ZNF277: variants seen among roughly 807,000 people sequenced by gnomAD.
The protein encoded by ZNF277 is zinc finger protein 277, also known as nuclear receptor-interacting factor 4.
A neutral mutation model predicts 60.7 loss-of-function variants in ZNF277; 55 were observed. The observed-to-expected ratio is 0.91, with a 90% CI of 0.73 to 1.13. The LOEUF (loss-of-function observed/expected upper bound fraction) is 1.13. Ranked by LOEUF, ZNF277 falls within the 50% of genes most tolerant of loss-of-function variation. The pLI is 0.00. For missense variants in ZNF277, 510 were observed against 523.0 expected, an observed-to-expected ratio of 0.98 and a Z score of 0.24; for synonymous variants, 178 against 179.3, an observed-to-expected ratio of 0.99 and a Z score of 0.06.
chr7:112,253,842 C>T (rs1411811590), intron 1 of ZNF277, among the ~76,000 whole-genome samples: 1 of 152,048 alleles, frequency 6.6e-6, no homozygotes, highest in African/African-American at 2.4e-5. Context: ...ACAGAAATAC[C>T]AGAAACTGTA....
At chr7:112,342,194 G>A (rs1396752123) in intron 11 of ZNF277, among the ~76,000 whole-genome samples, 2 of 151,956 alleles carry the variant, frequency 1.3e-5, no homozygotes, top group South Asian at 2.1e-4. Flanking sequence ...CACAGGAGGT[G>A]TATCAAACAA....
rs1481999538 is a variant in ZNF277 at position 112,226,365 on chromosome 7, A to AGCCAGAACATTT, written c.91+19558_91+19559insGCCAGAACATTT. On this transcript the variant is annotated intron_variant, in intron 1 of 11. Coordinates refer to ENST00000361822, the MANE Select transcript of ZNF277 (RefSeq NM_021994.3). Reference sequence around the variant, plus strand: ...TCCTTTAAGGAACATTTTCTCCATTATATACAAGAAGCCAGAGTTGTTTTG... The same window carrying AGCCAGAACATTT: ...TCCTTTAAGGAACATTTTCTCCATTAGCCAGAACATTTTATACAAGAAGCCAGAGTTGTTTTG... Among the ~76,000 whole-genome samples, 24 of 152,318 alleles carry AGCCAGAACATTT rather than the reference A, an allele frequency of 1.6e-4. No homozygotes were observed. The East Asian group carries it at 4.2e-3, about 27-fold the overall frequency.
At chr7:112,295,996 A>G in intron 3 of ZNF277, 39 bp downstream of exon 3, 3 of 1,441,840 alleles carry the variant, frequency 2.1e-6, no homozygotes, top group South Asian at 2.3e-5. Flanking sequence ...TCCCTACAGT[A>G]TAAAAATTCA....
Position 112,330,129 on chromosome 7 carries a change from A to G in ZNF277, c.714A>G (p.Thr238=), listed in dbSNP as rs778273157. Residue 238 remains threonine, a synonymous_variant, in exon 7 of 12, where the codon ACA becomes ACG. Transcript: ENST00000361822. ...AGAAGACCTTCAGGGACAAAAATAC[A>G]CTTAAAGATCACATGAGGAAAAAAC... ...YCEKTFRDKN[T]LKDHMRKKQH... 6.2e-7 allele frequency: 1 copy of G among 1,613,596 alleles called. No individual in the cohort carries two copies. Among genetic ancestry groups the G allele is most frequent in the South Asian group, 1.1e-5 (1 of 91,076 alleles).
chr7:112,312,539 G>A (rs1040569887), intron 4 of ZNF277, among the ~76,000 whole-genome samples: 9 of 151,916 alleles, frequency 5.9e-5, no homozygotes, highest in East Asian at 3.8e-4. Context: ...AAGCATCATC[G>A]TATCTGCAAC....
At position 112,311,220 on chromosome 7, in the gene ZNF277, C is replaced by T. The variant is rs75108523; in HGVS notation, c.466-6962C>T. On this transcript the variant is annotated intron_variant, in intron 4 of 11. Coordinates refer to ENST00000361822, the MANE Select transcript of ZNF277 (RefSeq NM_021994.3). ...ATCTGCTGTTTTATTAATTTTTTCT[C>T]TGCTTTTAGCTTATGAATAAAGATG... Among the ~76,000 whole-genome samples, 212 of 152,160 alleles carry T rather than the reference C, an allele frequency of 1.4e-3. 2 individuals carry two copies. The highest frequency in any genetic ancestry group is 4.8e-3 in the African/African-American group (199 of 41,526).
At chr7:112,220,608 T>G (rs769407168) in intron 1 of ZNF277, among the ~76,000 whole-genome samples, 1 of 152,288 alleles carries the variant, frequency 6.6e-6, no homozygotes, top group Non-Finnish European at 1.5e-5. Flanking sequence ...GAGAAAAAAC[T>G]TTTAACTTTT....
downstream of ZNF277, among the ~76,000 whole-genome samples, chr7:112,343,934 GAA>G (rs58956925): frequency 0.05 from 5,664 of 113,876 alleles, 374 homozygotes; most frequent in African/African-American, 0.15. Flanking sequence ...TCAAAAAAAG[GAA>G]AAAAAAAAAA....
intron 1 of ZNF277, among the ~76,000 whole-genome samples, chr7:112,224,057 T>G (rs538045584): frequency 1.3e-5 from 2 of 152,182 alleles, no homozygotes; most frequent in East Asian, 3.9e-4. Context: ...AGGCAGAGTA[T>G]GCCATAGAGA....
intron 1 of ZNF277, among the ~76,000 whole-genome samples, chr7:112,271,841 G>T (rs899976598): frequency 4.0e-5 from 6 of 151,892 alleles, no homozygotes; most frequent in African/African-American, 1.4e-4. Context: ...GGTATTTATG[G>T]GATAAATGAG....
intron 1 of ZNF277, among the ~76,000 whole-genome samples, chr7:112,267,664 C>T (rs951006815): frequency 1.3e-5 from 2 of 152,066 alleles, no homozygotes; most frequent in Non-Finnish European, 2.9e-5. Context: ...CTTCTCTTTT[C>T]CATTTTATCT....
At chr7:112,213,092 T>C (rs568161802) in intron 1 of ZNF277, among the ~76,000 whole-genome samples, 1 of 152,284 alleles carries the variant, frequency 6.6e-6, no homozygotes, top group East Asian at 1.9e-4. Flanking sequence ...GGGAGATAAT[T>C]GAATCATAGG....
At chr7:112,324,817 A>T (rs1260950655) in intron 5 of ZNF277, among the ~76,000 whole-genome samples, 1 of 152,224 alleles carries the variant, frequency 6.6e-6, no homozygotes, top group Non-Finnish European at 1.5e-5. Context: ...GAAGTGCCAC[A>T]GTATGCCATC....
intron 1 of ZNF277, among the ~76,000 whole-genome samples, chr7:112,263,083 C>T (rs931531056): frequency 6.6e-6 from 1 of 152,126 alleles, no homozygotes; most frequent in South Asian, 2.1e-4. Flanking sequence ...CCTTGTATAA[C>T]CTTTTTGTCA....
intron 1 of ZNF277, among the ~76,000 whole-genome samples, chr7:112,255,759 G>A (rs1791294627): frequency 6.6e-6 from 1 of 152,080 alleles, no homozygotes; most frequent in Non-Finnish European, 1.5e-5. Flanking sequence ...CTTCCTTATT[G>A]GAGTCAAATC....
At chr7:112,321,742 G>C (rs945414831) in intron 5 of ZNF277, among the ~76,000 whole-genome samples, 7 of 151,878 alleles carry the variant, frequency 4.6e-5, no homozygotes, top group Non-Finnish European at 1.0e-4. Flanking sequence ...TTGAGGAATA[G>C]TTTTACAGGA....
At chr7:112,293,190 T>C (rs545296621) in intron 2 of ZNF277, among the ~76,000 whole-genome samples, 4 of 152,310 alleles carry the variant, frequency 2.6e-5, no homozygotes, top group African/African-American at 7.2e-5. Flanking sequence ...TTAACTATGA[T>C]ACTTTGACCA....
intron 2 of ZNF277, 54 bp downstream of exon 2, chr7:112,287,128 C>A (rs528275298): frequency 1.3e-6 from 2 of 1,584,606 alleles, no homozygotes; most frequent in Non-Finnish European, 1.7e-6. Flanking sequence ...TGTGGTGGCT[C>A]ATGTCTGTAA....
chr7:112,295,548 G>C (rs1292146919), intron 2 of ZNF277, among the ~76,000 whole-genome samples: 8 of 151,912 alleles, frequency 5.3e-5, no homozygotes, highest in African/African-American at 1.5e-4. Flanking sequence ...ATAAACTTAG[G>C]TGTTATTTCA....
Sources: gnomAD v4.1 joint callset for allele counts (sites outside exome capture counted in the v4.1 genomes callset) on GRCh38, gnomAD v4.1.1 for gene constraint, MANE v1.5 for transcripts, NCBI Gene and HGNC (gene_info 2026-07-23, HGNC 2026-07-21) for gene names.